CSMD1: variants seen among roughly 807,000 people sequenced by gnomAD.
CSMD1 encodes CUB and sushi domain-containing protein 1.
In CSMD1, 213 loss-of-function variants were observed where a neutral mutation model predicts 417.5. The observed-to-expected ratio is 0.51, with a 90% confidence interval of 0.46 to 0.57. The LOEUF (loss-of-function observed/expected upper bound fraction) is 0.57. CSMD1 is among the 20% of genes least tolerant of loss of function. The pLI, the probability that CSMD1 is intolerant of heterozygous loss-of-function variation, is 0.00. For synonymous variants in CSMD1, 2,862 were observed against 1,736.8 expected (o/e 1.65, Z -16.11); for missense variants, 6,923 against 4,529.7 (o/e 1.53, Z -15.17).
intron 5 of CSMD1, among the ~76,000 whole-genome samples, chr8:3,994,405 A>C (rs1488745004): frequency 4.7e-5 from 7 of 148,702 alleles, no homozygotes; most frequent in African/African-American, 1.7e-4. Context: ...TCTTGATATT[A>C]TTAGAAGTAC....
At chr8:3,909,287 T>C (rs914354699) in intron 5 of CSMD1, among the ~76,000 whole-genome samples, 14 of 152,144 alleles carry the variant, frequency 9.2e-5, no homozygotes, top group African/African-American at 2.9e-4. Flanking sequence ...CTTTCCCTCA[T>C]TGAAGTCTGT....
intron 26 of CSMD1, among the ~76,000 whole-genome samples, chr8:3,237,840 ATTATACTTATACTATAAATATAATTT>A: frequency 1.9e-5 from 2 of 108,042 alleles, no homozygotes; most frequent in African/African-American, 6.6e-5. Context: ...AATTTTTATA[ATTATACTTATACTATAAATATAATTT>A]TTATAATTAT....
chr8:3,835,661 T>C (rs1441021672), intron 5 of CSMD1, among the ~76,000 whole-genome samples: 2 of 150,922 alleles, frequency 1.3e-5, no homozygotes, highest in African/African-American at 2.4e-5. Context: ...TGTATACATA[T>C]GTAACAAACC....
intron 1 of CSMD1, among the ~76,000 whole-genome samples, chr8:4,954,168 T>A (rs990271557): frequency 3.9e-5 from 6 of 152,212 alleles, no homozygotes. Flanking sequence ...CTATTTGCCA[T>A]TTAGAAATAA....
chr8:3,763,271 T>C (rs1192150094), intron 5 of CSMD1, among the ~76,000 whole-genome samples: 2 of 152,106 alleles, frequency 1.3e-5, no homozygotes, highest in Non-Finnish European at 2.9e-5. Context: ...GGATATTTTG[T>C]CTCCTCCAAA....
At chr8:3,949,020 C>T (rs571221859) in intron 5 of CSMD1, among the ~76,000 whole-genome samples, 1 of 151,902 alleles carries the variant, frequency 6.6e-6, no homozygotes, top group Admixed American at 6.6e-5. Flanking sequence ...TAAATCTGAA[C>T]TAGAATTTTC....
intron 3 of CSMD1, among the ~76,000 whole-genome samples, chr8:4,205,966 C>G (rs3860868): frequency 6.6e-6 from 1 of 151,878 alleles, no homozygotes. Flanking sequence ...CTTTTTCACA[C>G]GTTTCCATTC....
In CSMD1 at chr8:3,592,313, CATAAAT is replaced by C. The variant is rs568535701; in HGVS notation, c.1098-6059_1098-6054del. 3.1e-3 allele frequency among the ~76,000 whole-genome samples: 474 copies of C among 152,162 alleles called. 3 individuals are homozygous for C. The highest frequency in any genetic ancestry group is 5.2e-3 in the Non-Finnish European group (357 of 68,024). ...CACTTCAAACATATACTTCAGTACTCATAAATATAAAAGGAATATATATATATTATT... is the reference window on the plus strand; with the variant it reads ...CACTTCAAACATATACTTCAGTACTCATAAAAGGAATATATATATATTATT... On this transcript the variant is annotated intron_variant, in intron 8 of 69. Transcript: ENST00000635120.
At chr8:4,443,966 G>C (rs368126720) in intron 2 of CSMD1, among the ~76,000 whole-genome samples, 2 of 152,212 alleles carry the variant, frequency 1.3e-5, no homozygotes, top group East Asian at 1.9e-4. Flanking sequence ...ATAATTACCT[G>C]TGATATGAGG....
intron 3 of CSMD1, among the ~76,000 whole-genome samples, chr8:4,277,173 A>G (rs970919676): frequency 6.7e-6 from 1 of 149,840 alleles, no homozygotes; most frequent in Non-Finnish European, 1.5e-5. Flanking sequence ...CTATACATAC[A>G]TATTTATATG....
chr8:3,560,660 T>C (rs1366425013), intron 10 of CSMD1, among the ~76,000 whole-genome samples: 2 of 152,172 alleles, frequency 1.3e-5, no homozygotes, highest in Non-Finnish European at 2.9e-5. Context: ...ATTTCTATTG[T>C]CTTTTACTGT....
At chr8:4,570,873 G>C (rs572730398) in intron 2 of CSMD1, among the ~76,000 whole-genome samples, 133 of 152,254 alleles carry the variant, frequency 8.7e-4, no homozygotes, top group Non-Finnish European at 1.6e-3. Context: ...AGTCTTGGGA[G>C]AGTATGTGTA....
rs200707621 is a variant in CSMD1, at chr8:3,289,908, G to T, written c.3951-5562C>A. 4.1e-5 allele frequency among the ~76,000 whole-genome samples: 6 copies of T among 147,486 alleles called. 1 individual carries two copies. Among genetic ancestry groups the T allele is most frequent in the African/African-American group, 1.1e-4 (4 of 37,240 alleles). On this transcript the variant is annotated intron_variant, in intron 25 of 69. Transcript: ENST00000635120. ...AGACATGAAGTCCTTACCCATGCCT[G>T]TGTCCTGAATGGTATTGTTTAGGTT...
At chr8:4,916,932 G>T (rs1197849351) in intron 1 of CSMD1, among the ~76,000 whole-genome samples, 1 of 152,294 alleles carries the variant, frequency 6.6e-6, no homozygotes, top group East Asian at 1.9e-4. Context: ...ATGTCAACAG[G>T]GTGTGAGACA....
rs1368470799 is a variant in CSMD1, at chr8:4,239,681, G to A, written c.415+180272C>T. Among the ~76,000 whole-genome samples the A allele has an allele frequency of 2.6e-5, 4 of 152,320 alleles. 1 individual carries two copies. The South Asian group carries it at 6.2e-4, about 24-fold the overall frequency. On this transcript the variant is annotated intron_variant, in intron 3 of 69. Transcript: ENST00000635120. ...ACAGAGCATTGCATTATGTTGGGTG[G>A]CAGAACATCGCATTATGTTGTTTTG...
chr8:4,225,474 G>A (rs541423729), intron 3 of CSMD1, among the ~76,000 whole-genome samples: 6 of 148,200 alleles, frequency 4.0e-5, no homozygotes, highest in Admixed American at 4.0e-4. Flanking sequence ...AATACAAAAT[G>A]CTTCAAGTTT....
At chr8:3,550,314 G>C (rs1262615968) in intron 10 of CSMD1, among the ~76,000 whole-genome samples, 1 of 152,048 alleles carries the variant, frequency 6.6e-6, no homozygotes, top group Non-Finnish European at 1.5e-5. Flanking sequence ...CCACCTTTTT[G>C]GCATTTCTTG....
intron 2 of CSMD1, among the ~76,000 whole-genome samples, chr8:4,577,469 C>T (rs1799192439): frequency 6.6e-6 from 1 of 152,162 alleles, no homozygotes; most frequent in South Asian, 2.1e-4. Flanking sequence ...AGCGTGCTCC[C>T]CTCCTTCCTC....
intron 1 of CSMD1, among the ~76,000 whole-genome samples, chr8:4,790,791 C>A (rs954209559): frequency 2.0e-5 from 3 of 152,040 alleles, no homozygotes; most frequent in African/African-American, 7.3e-5. Flanking sequence ...TGCAGAAGAC[C>A]AAAACTAAAT....
Sources: allele counts gnomAD v4.1 joint callset (sites outside exome capture counted in the v4.1 genomes callset), GRCh38; gene constraint gnomAD v4.1.1; transcripts MANE v1.5; gene names NCBI Gene and HGNC (gene_info 2026-07-23, HGNC 2026-07-21).